The following CNTNAP2 variants were observed in gnomAD, a reference collection of about 807,000 sequenced individuals.
CNTNAP2 encodes contactin associated protein 2, also known as contactin-associated protein-like 2.
Under a neutral mutation model 155.2 loss-of-function variants are expected in CNTNAP2, and 98 were observed. That is an observed-to-expected ratio of 0.63 (90% confidence interval 0.54 to 0.75). CNTNAP2 has a LOEUF of 0.75. Ranked by LOEUF, CNTNAP2 falls within the 30% of genes least tolerant of loss-of-function variation. The probability of loss-of-function intolerance (pLI) is 0.00; values close to 1 mark genes in which losing one functional copy is unlikely to be tolerated. For missense variants in CNTNAP2, 1,727 were observed against 1,688.1 expected (o/e 1.02, Z -0.40); for synonymous variants, 651 against 631.2 (o/e 1.03, Z -0.47).
chr7:146,577,466 T>A (rs962961101), intron 1 of CNTNAP2, among the ~76,000 whole-genome samples: 1 of 152,140 alleles, frequency 6.6e-6, no homozygotes, highest in Non-Finnish European at 1.5e-5. Flanking sequence ...GTAATAATTA[T>A]CAAGAATCCA....
intron 1 of CNTNAP2, among the ~76,000 whole-genome samples, chr7:146,648,619 C>T (rs1283678333): frequency 6.6e-6 from 1 of 152,036 alleles, no homozygotes; most frequent in East Asian, 1.9e-4. Context: ...ATGAAATTCT[C>T]AGATATTTTG....
chr7:147,397,922 C>G (rs1796846581), intron 10 of CNTNAP2, among the ~76,000 whole-genome samples: 1 of 152,022 alleles, frequency 6.6e-6, no homozygotes, highest in Non-Finnish European at 1.5e-5. Context: ...TGACACATCT[C>G]CACGCATTTT....
At chr7:146,192,972 C>T (rs2116854899) in intron 1 of CNTNAP2, among the ~76,000 whole-genome samples, 1 of 152,292 alleles carries the variant, frequency 6.6e-6, no homozygotes, top group African/African-American at 2.4e-5. Context: ...CTACATGCCG[C>T]ATGTGAAGCA....
At chr7:148,349,730 C>T (rs1798394838) in intron 21 of CNTNAP2, among the ~76,000 whole-genome samples, 1 of 152,042 alleles carries the variant, frequency 6.6e-6, no homozygotes, top group South Asian at 2.1e-4. Context: ...AGAAAGTTTA[C>T]AAATTTTTGT....
intron 1 of CNTNAP2, among the ~76,000 whole-genome samples, chr7:146,242,743 C>T (rs1799583852): frequency 6.6e-6 from 1 of 152,038 alleles, no homozygotes; most frequent in Non-Finnish European, 1.5e-5. Flanking sequence ...TGTATTAGCC[C>T]ATCCTAAAAT....
intron 9 of CNTNAP2, among the ~76,000 whole-genome samples, chr7:147,343,740 G>T (rs2116864372): frequency 6.6e-6 from 1 of 152,044 alleles, no homozygotes; most frequent in Non-Finnish European, 1.5e-5. Context: ...ATGGTGCATG[G>T]GTGACATGAC....
rs1801124087 is a variant in CNTNAP2 at position 146,712,936 on chromosome 7, T to A, written c.98-61335T>A. 2.0e-5 allele frequency among the ~76,000 whole-genome samples: 3 copies of A among 152,042 alleles called. No homozygotes were observed. The South Asian group carries it at 6.2e-4, about 32-fold the overall frequency. Reference sequence around the variant, plus strand: ...TTCCTTTATTTTAATATACACACATTCCCTTAATGTTGATTTCTTCACGCT... The same window carrying A: ...TTCCTTTATTTTAATATACACACATACCCTTAATGTTGATTTCTTCACGCT... On this transcript the variant is annotated intron_variant, in intron 1 of 23. Transcript: ENST00000361727.
intron 1 of CNTNAP2, among the ~76,000 whole-genome samples, chr7:146,730,703 A>G (rs114657833): frequency 0.011 from 1,750 of 152,286 alleles, 22 homozygotes; most frequent in African/African-American, 0.033. Flanking sequence ...ATGAGTGGCT[A>G]AATAATTCAG....
intron 14 of CNTNAP2, among the ~76,000 whole-genome samples, chr7:147,908,195 G>A (rs979404759): frequency 1.3e-5 from 2 of 152,090 alleles, no homozygotes; most frequent in East Asian, 1.9e-4. Flanking sequence ...ATTCCACAAC[G>A]CCACATGCAG....
intron 1 of CNTNAP2, among the ~76,000 whole-genome samples, chr7:146,303,072 ATGTGTGTGTG>A (rs60828609): frequency 0.025 from 3,350 of 136,476 alleles, 151 homozygotes; most frequent in African/African-American, 0.08. Context: ...CTTTGTGTGC[ATGTGTGTGTG>A]TGTGTGTGTG....
chr7:147,183,562 AGT>A lies in CNTNAP2; in HGVS notation c.1348+51070_1348+51071del, dbSNP rs112187548. Among the ~76,000 whole-genome samples the A allele has an allele frequency of 3.5e-3, 528 of 151,326 alleles. 2 individuals carry two copies. Among genetic ancestry groups the A allele is most frequent in the African/African-American group, 5.5e-3 (227 of 41,294 alleles). On this transcript the variant is annotated intron_variant, in intron 8 of 23. Coordinates refer to ENST00000361727, the MANE Select transcript of CNTNAP2 (RefSeq NM_014141.6). Reference sequence around the variant, plus strand: ...ACATATTCAGCCACTTTGTTAAATAAGTGTGTGTGTGTGTGTGTTTTTCCTTA... The same window carrying A: ...ACATATTCAGCCACTTTGTTAAATAAGTGTGTGTGTGTGTGTTTTTCCTTA...
At chr7:146,848,898 G>A (rs944712548) in intron 3 of CNTNAP2, among the ~76,000 whole-genome samples, 5 of 152,034 alleles carry the variant, frequency 3.3e-5, no homozygotes, top group African/African-American at 9.7e-5. Flanking sequence ...TCAGCCTCTC[G>A]AGTAGCTGGG....
chr7:148,076,299 C>T (rs767449431), intron 15 of CNTNAP2, among the ~76,000 whole-genome samples: 1 of 151,814 alleles, frequency 6.6e-6, no homozygotes, highest in Non-Finnish European at 1.5e-5. Flanking sequence ...GTAGAGGCCA[C>T]GGATGCTGCT....
At position 146,335,167 on chromosome 7, in the gene CNTNAP2, T is replaced by G. The variant is rs185862994; in HGVS notation, c.97+218194T>G. On this transcript the variant is annotated intron_variant, in intron 1 of 23. Transcript: ENST00000361727. ...CCACTGACTATGCTGGTCTACCCTGTTCTGAACTTCACATCAAAACCTATA... is the reference window on the plus strand; with the variant it reads ...CCACTGACTATGCTGGTCTACCCTGGTCTGAACTTCACATCAAAACCTATA... 3.2e-3 allele frequency among the ~76,000 whole-genome samples: 482 copies of G among 152,356 alleles called. 3 individuals carry two copies. The highest frequency in any genetic ancestry group is 0.011 in the African/African-American group (467 of 41,580).
chr7:147,090,322 CGTGTGTGTGTGT>C (rs146882206), intron 4 of CNTNAP2, among the ~76,000 whole-genome samples: 3 of 141,810 alleles, frequency 2.1e-5, no homozygotes, highest in African/African-American at 7.6e-5. Flanking sequence ...AACATATAAG[CGTGTGTGTGTGT>C]GTGTGTGTGT....
intron 9 of CNTNAP2, among the ~76,000 whole-genome samples, chr7:147,302,977 C>T (rs906308677): frequency 5.9e-5 from 9 of 152,166 alleles, no homozygotes; most frequent in Admixed American, 3.9e-4. Context: ...AATGTTCTCC[C>T]GAAGCAGCGA....
At chr7:148,402,023 A>G (rs1294556026) in intron 22 of CNTNAP2, among the ~76,000 whole-genome samples, 1 of 151,562 alleles carries the variant, frequency 6.6e-6, no homozygotes, top group Non-Finnish European at 1.5e-5. Context: ...TTCAGAAGTT[A>G]ACTAAGTAAC....
chr7:146,905,974 G>C (rs1431296218), intron 3 of CNTNAP2, among the ~76,000 whole-genome samples: 1 of 152,214 alleles, frequency 6.6e-6, no homozygotes, highest in Non-Finnish European at 1.5e-5. Flanking sequence ...AGCAGGGCGA[G>C]GCATTGCCTC....
rs1465079911 is a variant in CNTNAP2 at position 147,612,444 on chromosome 7, A to C, written c.1898-26662A>C. Among the ~76,000 whole-genome samples, 8 of 143,224 alleles carry C rather than the reference A, an allele frequency of 5.6e-5. No homozygotes were observed. In the East Asian group the frequency reaches 1.6e-3, roughly 29 times the overall value. The allele number at this position is 143,224 out of a possible 152,430, so 94.0% of individuals were successfully genotyped here. ...CTGAGACGGAGTCTTTCTGTTGCCCAGGCTAGAGTGCAGTGGCCTGATCTC... is the reference window on the plus strand; with the variant it reads ...CTGAGACGGAGTCTTTCTGTTGCCCCGGCTAGAGTGCAGTGGCCTGATCTC... On this transcript the variant is annotated intron_variant, in intron 12 of 23. Transcript: ENST00000361727.
Sources: allele counts gnomAD v4.1 joint callset (sites outside exome capture counted in the v4.1 genomes callset), GRCh38; gene constraint gnomAD v4.1.1; transcripts MANE v1.5; gene names NCBI Gene and HGNC (gene_info 2026-07-23, HGNC 2026-07-21).